The following PMM1 variants were observed in gnomAD, a reference collection of about 807,000 sequenced individuals.
PMM1 encodes the protein phosphomannomutase 1.
Under a neutral mutation model 34.0 loss-of-function variants are expected in PMM1, and 25 were observed. The ratio of observed to expected loss-of-function variants is 0.73; its 90% CI spans 0.54 to 1.03. The LOEUF (loss-of-function observed/expected upper bound fraction) is 1.03, where lower values mean the gene tolerates loss of function less well. PMM1 is among the 50% of genes least tolerant of loss of function. The pLI is 0.00. For missense variants in PMM1, 321 were observed against 350.1 expected (o/e 0.92, Z 0.66); for synonymous variants, 134 against 143.9 (o/e 0.93, Z 0.49).
At chr22:41,589,482 G>C (rs886078411) in intron 1 of PMM1, 12 of 590,116 alleles carry the variant, frequency 2.0e-5, no homozygotes, top group Admixed American at 1.5e-4. Context: ...TCCAGTACTG[G>C]ATCCAACCCC....
chr22:41,584,480 C>T, intron 3 of PMM1, 47 bp downstream of exon 3: 2 of 1,582,706 alleles, frequency 1.3e-6, no homozygotes, highest in Non-Finnish European at 8.7e-7. Flanking sequence ...GACTGCTCCA[C>T]TATGGAAAAG....
chr22:41,583,215 C>T (rs938966390), intron 5 of PMM1, among the ~76,000 whole-genome samples: 1 of 152,086 alleles, frequency 6.6e-6, no homozygotes, highest in Non-Finnish European at 1.5e-5. Context: ...CGTGGTGGCT[C>T]ATGCCTGTAA....
chr22:41,585,857 A>G (rs186248948), intron 2 of PMM1, among the ~76,000 whole-genome samples: 6 of 152,328 alleles, frequency 3.9e-5, no homozygotes, highest in Admixed American at 2.6e-4. Context: ...TGTAAACTGC[A>G]TAAGGGCAGG....
intron 2 of PMM1, 105 bp from the exon 3 acceptor site, chr22:41,584,708 T>C (rs2067288582): frequency 2.6e-6 from 2 of 755,168 alleles, no homozygotes; most frequent in African/African-American, 1.7e-5. Context: ...GGTTTCACAT[T>C]CAAAGGCCAT....
chr22:41,589,302 T>G (rs1311141536), intron 1 of PMM1: 9 of 438,862 alleles, frequency 2.1e-5, no homozygotes, highest in Non-Finnish European at 4.0e-5. Context: ...TGTGCTTGTG[T>G]GCCTGGAACC....
At position 41,589,738 on chromosome 22, in the gene PMM1, G is replaced by C. The variant is rs907653386; in HGVS notation, c.68C>G (p.Thr23Ser). 5.0e-6 allele frequency: 8 copies of C among 1,611,702 alleles called. No individual in the cohort carries two copies. In the African/African-American group the frequency reaches 1.1e-4, roughly 22 times the overall value. ...RVLCLFDVDG[T>S]LTPARQKIDP... The stretch of plus-strand genomic sequence containing the variant: ...TCCTACCTGGCGAGCCGGCGTGAGG[G>C]TCCCGTCCACGTCAAACAGGCAGAG... The change falls in exon 1 of 8, where the codon ACC becomes AGC. Residue 23 changes from threonine to serine, a missense_variant. Physicochemically the swap from Thr to Ser is moderately conservative, Grantham distance 58. Coordinates refer to ENST00000216259, the MANE Select transcript of PMM1 (RefSeq NM_002676.3).
chr22:41,585,534 C>G (rs1185686435), intron 2 of PMM1: 1 of 151,988 alleles, frequency 6.6e-6, no homozygotes, highest in African/African-American at 2.4e-5. Flanking sequence ...CTCTGTCACC[C>G]AGGCTGGAGT....
In PMM1 at chr22:41,586,182, A is replaced by G; in HGVS notation, c.99T>C (p.Pro33=). 6.2e-7 allele frequency: 1 copy of G among 1,609,954 alleles called. No individual in the cohort carries two copies. The highest frequency in any genetic ancestry group is 2.2e-5 in the East Asian group (1 of 44,788). ...TLTPARQKID[P]EVAAFLQKLR... is the part of the protein sequence containing the mutation. The stretch of plus-strand genomic sequence containing the variant: ...GCTTCTGCAGGAAGGCGGCCACCTC[A>G]GGGTCAATTTTCTATGGGGGGAGAG... The change falls in exon 2 of 8, where the codon CCT becomes CCC. Residue 33 remains proline, a synonymous_variant. Coordinates refer to ENST00000216259, the MANE Select transcript of PMM1 (RefSeq NM_002676.3).
intron 5 of PMM1, among the ~76,000 whole-genome samples, chr22:41,581,790 C>T (rs1428907307): frequency 1.3e-5 from 2 of 152,128 alleles, no homozygotes; most frequent in East Asian, 3.9e-4. Flanking sequence ...AGATCGAGAC[C>T]ATCCTGGCCA....
chr22:41,581,507 C>G (rs937238025), intron 5 of PMM1, among the ~76,000 whole-genome samples: 1 of 152,182 alleles, frequency 6.6e-6, no homozygotes, highest in Admixed American at 6.5e-5. Flanking sequence ...CCCTTCTCAT[C>G]GAGCCTTGGT....
chr22:41,588,985 A>G (rs921348668), intron 1 of PMM1: 4 of 1,149,186 alleles, frequency 3.5e-6, no homozygotes, highest in African/African-American at 3.2e-5. Context: ...ACCCAATGGG[A>G]GAAAAACTGA....
intron 5 of PMM1, among the ~76,000 whole-genome samples, chr22:41,581,654 G>A (rs915672133): frequency 6.6e-6 from 1 of 151,986 alleles, no homozygotes; most frequent in African/African-American, 2.4e-5. Flanking sequence ...AGGAGTTCGA[G>A]ACCAGCCTGG....
intron 1 of PMM1, among the ~76,000 whole-genome samples, chr22:41,588,159 T>C (rs1279453224): frequency 6.6e-6 from 1 of 152,228 alleles, no homozygotes; most frequent in Non-Finnish European, 1.5e-5. Context: ...CAATCGATTC[T>C]CCTGCCTCTG....
At chr22:41,580,693 G>T (rs1293675393) in intron 5 of PMM1, 4 of 152,106 alleles carry the variant, frequency 2.6e-5, no homozygotes. Flanking sequence ...CAAAAAAAAA[G>T]TCCCCGTGGC....
intron 3 of PMM1, 59 bp from the exon 4 acceptor site, chr22:41,584,431 A>T: frequency 1.3e-6 from 2 of 1,569,812 alleles, no homozygotes; most frequent in Non-Finnish European, 1.8e-6. Context: ...TGAGACAGGC[A>T]CAGTGTCTCT....
chr22:41,576,968 C>G lies in PMM1; in HGVS notation c.*350G>C, dbSNP rs1197932608. 1.3e-5 allele frequency: 5 copies of G among 371,674 alleles called. No individual in the cohort carries two copies. In the Admixed American group the frequency reaches 2.0e-4, roughly 15 times the overall value. 23.0% of individuals were successfully genotyped at this position (371,674 alleles called of 1,614,324 possible). A position where few individuals can be genotyped will look rare whatever the true frequency, so the allele number is the denominator to read the frequency against. Reference sequence around the variant, plus strand: ...AGGCACCTTCCCCACCGTACCTCATCGCCCAGGGCAGGCAGGCAGGGCAGG... The same window carrying G: ...AGGCACCTTCCCCACCGTACCTCATGGCCCAGGGCAGGCAGGCAGGGCAGG... On this transcript the variant is annotated 3_prime_UTR_variant, in exon 8 of 8. Transcript: ENST00000216259.
In PMM1 at chr22:41,578,674, C is replaced by T. The variant is rs1305182028; in HGVS notation, c.550+132G>A. 4 of 690,272 alleles carry T rather than the reference C, an allele frequency of 5.8e-6. No individual in the cohort carries two copies. The Admixed American group carries it at 1.0e-4, about 18-fold the overall frequency. 42.8% of individuals were successfully genotyped at this position (690,272 alleles called of 1,614,324 possible). ...AACCCCTTTCTGCATCGGGCTCAGC[C>T]ACCCTCTCTGCCCTGAGCCGGGGAG... On this transcript the variant is annotated intron_variant, in intron 6 of 7. Transcript: ENST00000216259.
rs2067180564 is a variant in PMM1, at chr22:41,576,952, C to T, written c.*366G>A. ...CAAAGTTCTCTAAAATAGGCACCTT[C>T]CCCACCGTACCTCATCGCCCAGGGC... is the stretch of plus-strand genomic sequence containing the variant. On this transcript the variant is annotated 3_prime_UTR_variant, in exon 8 of 8. Transcript: ENST00000216259. 1 of 346,342 alleles carries T rather than the reference C, an allele frequency of 2.9e-6. No homozygotes were observed. Among genetic ancestry groups the T allele is most frequent in the Non-Finnish European group, 5.6e-6 (1 of 180,070 alleles). The allele number at this position is 346,342 out of a possible 1,614,324, so 21.5% of individuals were successfully genotyped here. A position where few individuals can be genotyped will look rare whatever the true frequency, so the allele number is the denominator to read the frequency against.
At chr22:41,578,906 C>G in intron 5 of PMM1, 25 bp from the exon 6 acceptor site, 1 of 1,605,634 alleles carries the variant, frequency 6.2e-7, no homozygotes, top group Non-Finnish European at 8.5e-7. Context: ...GAGCGGATGG[C>G]AGCTCAGAGG....
Sources: gnomAD v4.1 joint callset for allele counts (sites outside exome capture counted in the v4.1 genomes callset) on GRCh38, gnomAD v4.1.1 for gene constraint, MANE v1.5 for transcripts, NCBI Gene and HGNC (gene_info 2026-07-23, HGNC 2026-07-21) for gene names.